The following KMT5B variants were observed in gnomAD, a reference collection of about 807,000 sequenced individuals.
KMT5B encodes histone-lysine N-methyltransferase KMT5B.
Under a neutral mutation model 83.2 loss-of-function variants are expected in KMT5B, and 10 were observed. The ratio of observed to expected loss-of-function variants is 0.12; its 90% CI spans 0.07 to 0.20. KMT5B has a LOEUF of 0.20. Among genes scored for constraint, KMT5B ranks in the 10% least tolerant of loss-of-function variants. The pLI, the probability that KMT5B is intolerant of heterozygous loss-of-function variation, is 1.00. For synonymous variants in KMT5B, 349 were observed against 388.8 expected (o/e 0.90, Z 1.20); for missense variants, 753 against 1,067.2 (o/e 0.71, Z 4.10).
At chr11:68,166,452 C>A in intron 10 of KMT5B, 2 of 1,000,622 alleles carry the variant, frequency 2.0e-6, no homozygotes, top group Non-Finnish European at 2.4e-6. Flanking sequence ...TCAAAATGCT[C>A]CTCTATCACA....
At chr11:68,197,267 C>A (rs1858837965) in intron 1 of KMT5B, among the ~76,000 whole-genome samples, 1 of 152,130 alleles carries the variant, frequency 6.6e-6, no homozygotes, top group Admixed American at 6.6e-5. Flanking sequence ...GCCACCACGC[C>A]CGGCCATGGA....
chr11:68,205,457 G>A (rs1236538960), intron 1 of KMT5B, among the ~76,000 whole-genome samples: 2 of 152,138 alleles, frequency 1.3e-5, no homozygotes, highest in African/African-American at 4.8e-5. Context: ...ACACTTGCTA[G>A]GCCAGATAAC....
chr11:68,167,297 A>G, intron 9 of KMT5B, 119 bp from the exon 10 acceptor site: 2 of 1,197,012 alleles, frequency 1.7e-6, no homozygotes, highest in South Asian at 3.7e-5. Context: ...GGCCTTAATC[A>G]CCACTGGAAA....
chr11:68,193,655 A>G (rs1457814272), intron 1 of KMT5B, among the ~76,000 whole-genome samples: 1 of 151,928 alleles, frequency 6.6e-6, no homozygotes, highest in Non-Finnish European at 1.5e-5. Context: ...AGGTTTCACT[A>G]AACAGTCTTC....
At chr11:68,166,082 C>T in intron 10 of KMT5B, 2 of 1,513,306 alleles carry the variant, frequency 1.3e-6, no homozygotes. Context: ...CCAACAAAGG[C>T]ATACTTTCGG....
chr11:68,190,767 T>C (rs1857946540), intron 1 of KMT5B, among the ~76,000 whole-genome samples: 2 of 152,166 alleles, frequency 1.3e-5, no homozygotes, highest in Non-Finnish European at 2.9e-5. Context: ...GCGGACTGCT[T>C]GAGCCCAGAA....
chr11:68,180,775 C>A (rs1321226036), intron 3 of KMT5B, among the ~76,000 whole-genome samples: 4 of 152,120 alleles, frequency 2.6e-5, no homozygotes, highest in Non-Finnish European at 5.9e-5. Context: ...CTGAAAGCAT[C>A]GATCCCTTTC....
At chr11:68,209,380 G>GAA (rs1311850383) in intron 1 of KMT5B, among the ~76,000 whole-genome samples, 1 of 152,176 alleles carries the variant, frequency 6.6e-6, no homozygotes, top group East Asian at 1.9e-4. Flanking sequence ...ATCAGTCGTT[G>GAA]AGTCAGGGAA....
In KMT5B at chr11:68,171,848, C is replaced by T; in HGVS notation, c.654-139G>A. ...ATACTTTAGTTAGCTCACTGGGATC[C>T]CCACCTGGCTATCTTCTCTCCTACC... On this transcript the variant is annotated intron_variant, in intron 6 of 10. Coordinates refer to ENST00000304363, the MANE Select transcript of KMT5B (RefSeq NM_017635.5). The surrounding 1 kb of genome is among the most constrained non-coding windows in gnomAD (Gnocchi z 5.1). 4.4e-6 allele frequency: 3 copies of T among 675,474 alleles called. No individual in the cohort carries two copies. The highest frequency in any genetic ancestry group is 2.9e-5 in the Admixed American group (1 of 34,042). The allele number at this position is 675,474 out of a possible 1,614,324, so 41.8% of individuals were successfully genotyped here. A position where few individuals can be genotyped will look rare whatever the true frequency, so the allele number is the denominator to read the frequency against.
At chr11:68,161,111 T>A (rs1854821304) in intron 10 of KMT5B, among the ~76,000 whole-genome samples, 1 of 152,138 alleles carries the variant, frequency 6.6e-6, no homozygotes, top group African/African-American at 2.4e-5. Flanking sequence ...TTTAGAATAG[T>A]AGGAGTAGTG....
rs1157664458 is a variant in KMT5B at position 68,185,819 on chromosome 11, A to G, written c.270T>C (p.Asp90=). ...TGTGTGTTTGAAAACCTAAATAGGGATCAAGAACCAAACTGGTTGCTAGGT... is the reference window on the plus strand; with the variant it reads ...TGTGTGTTTGAAAACCTAAATAGGGGTCAAGAACCAAACTGGTTGCTAGGT... The part of the protein sequence containing the change: ...NDDLATSLVL[D]PYLGFQTHKM... The change falls in exon 3 of 11, where the codon GAT becomes GAC. Residue 90 remains aspartate (D), a synonymous_variant. Transcript: ENST00000304363. The G allele has an allele frequency of 6.8e-6, 11 of 1,614,026 alleles. No individual in the cohort carries two copies. Among genetic ancestry groups the G allele is most frequent in the Non-Finnish European group, 9.3e-6 (11 of 1,180,004 alleles).
chr11:68,210,963 G>C (rs988589194), intron 1 of KMT5B, among the ~76,000 whole-genome samples: 2 of 152,154 alleles, frequency 1.3e-5, no homozygotes, highest in Non-Finnish European at 2.9e-5. Flanking sequence ...TATCTGAAAG[G>C]ATTTGCTCTG....
intron 9 of KMT5B, among the ~76,000 whole-genome samples, chr11:68,169,155 A>G (rs1855604524): frequency 6.6e-6 from 1 of 152,208 alleles, no homozygotes; most frequent in Admixed American, 6.5e-5. Context: ...TACTTCTCAC[A>G]CTAACCTTGT....
chr11:68,167,865 G>A (rs1855463112), intron 9 of KMT5B, among the ~76,000 whole-genome samples: 1 of 152,072 alleles, frequency 6.6e-6, no homozygotes, highest in African/African-American at 2.4e-5. Context: ...ACGGTACATT[G>A]TACTCCTTAA....
At chr11:68,168,802 G>A (rs992139057) in intron 9 of KMT5B, among the ~76,000 whole-genome samples, 1 of 152,086 alleles carries the variant, frequency 6.6e-6, no homozygotes, top group Non-Finnish European at 1.5e-5. Flanking sequence ...ACTTCTTCAC[G>A]GAGCCTCTTC....
At chr11:68,161,291 G>A (rs927306477) in intron 10 of KMT5B, among the ~76,000 whole-genome samples, 1 of 152,116 alleles carries the variant, frequency 6.6e-6, no homozygotes, top group African/African-American at 2.4e-5. Flanking sequence ...TGGACTGAAT[G>A]GACGTGCTGC....
chr11:68,207,419 G>T (rs947457490), intron 1 of KMT5B, among the ~76,000 whole-genome samples: 1 of 151,982 alleles, frequency 6.6e-6, no homozygotes, highest in Non-Finnish European at 1.5e-5. Context: ...TTTTACAAAT[G>T]AGAACAAAAC....
chr11:68,192,945 C>A (rs1263844544), intron 1 of KMT5B, among the ~76,000 whole-genome samples: 1 of 152,120 alleles, frequency 6.6e-6, no homozygotes, highest in Non-Finnish European at 1.5e-5. Flanking sequence ...AATTTGGGAA[C>A]CGATTGATCT....
chr11:68,212,779 T>G (rs534482055), intron 1 of KMT5B: 1 of 152,138 alleles, frequency 6.6e-6, no homozygotes, highest in East Asian at 1.9e-4. Context: ...TGGGAGCAGA[T>G]TGGGCGAGAC....
Sources: allele counts gnomAD v4.1 joint callset (sites outside exome capture counted in the v4.1 genomes callset), GRCh38; gene constraint gnomAD v4.1.1; non-coding constraint Gnocchi (gnomAD v3.1); transcripts MANE v1.5; gene names NCBI Gene and HGNC (gene_info 2026-07-23, HGNC 2026-07-21).